Variants in XKR6 observed in about 807,000 individuals in gnomAD.
XKR6 encodes the protein XK related 6.
A neutral mutation model predicts 56.7 loss-of-function variants in XKR6; 22 were observed. That is an observed-to-expected ratio of 0.39 (90% confidence interval 0.28 to 0.55). XKR6 has a LOEUF of 0.55. Ranked by LOEUF, XKR6 falls within the 20% of genes least tolerant of loss-of-function variation. XKR6 has a pLI of 0.66. For synonymous variants in XKR6, 524 were observed against 387.8 expected, an observed-to-expected ratio of 1.35 and a Z score of -4.13; for missense variants, 852 against 889.0, an observed-to-expected ratio of 0.96 and a Z score of 0.53.
intron 2 of XKR6, among the ~76,000 whole-genome samples, chr8:10,907,943 T>A (rs1800228745): frequency 6.6e-6 from 1 of 152,192 alleles, no homozygotes; most frequent in Non-Finnish European, 1.5e-5. Flanking sequence ...TCTGCCCTCC[T>A]CCCAACACTC....
rs562886073 is a variant in XKR6, at chr8:11,106,858, A to T, written c.764+93718T>A. Reference sequence around the variant, plus strand: ...AGAGTGAGACTTCATCTCAAAAAAAAAAAAAAATAAAAAAGATACAACGTT... The same window carrying T: ...AGAGTGAGACTTCATCTCAAAAAAATAAAAAAATAAAAAAGATACAACGTT... On this transcript the variant is annotated intron_variant, in intron 1 of 2. Transcript: ENST00000416569. Among the ~76,000 whole-genome samples the T allele has an allele frequency of 8.2e-3, 1,228 of 148,880 alleles. 77 individuals carry two copies. The highest frequency in any genetic ancestry group is 0.014 in the South Asian group (65 of 4,704).
At chr8:11,177,500 C>A (rs1333953621) in intron 1 of XKR6, among the ~76,000 whole-genome samples, 1 of 152,332 alleles carries the variant, frequency 6.6e-6, no homozygotes, top group Non-Finnish European at 1.5e-5. Flanking sequence ...CCCCCTCCCC[C>A]AAAAATTCAG....
intron 1 of XKR6, among the ~76,000 whole-genome samples, chr8:11,177,869 T>A (rs1379792721): frequency 1.3e-5 from 2 of 152,196 alleles, no homozygotes; most frequent in Non-Finnish European, 2.9e-5. Flanking sequence ...GTTCCTGCGA[T>A]TAAATACTTT....
At chr8:11,100,314 C>G (rs1467954060) in intron 1 of XKR6, among the ~76,000 whole-genome samples, 1 of 152,158 alleles carries the variant, frequency 6.6e-6, no homozygotes, top group Non-Finnish European at 1.5e-5. Flanking sequence ...TTCGACCTCC[C>G]AAAGTGCTGG....
chr8:11,096,890 T>C (rs1361064015), intron 1 of XKR6, among the ~76,000 whole-genome samples: 1 of 152,180 alleles, frequency 6.6e-6, no homozygotes, highest in East Asian at 1.9e-4. Flanking sequence ...CAAATGAAAA[T>C]CTAGCTGGAA....
At chr8:11,011,380 C>T (rs1448755281) in intron 1 of XKR6, among the ~76,000 whole-genome samples, 1 of 152,174 alleles carries the variant, frequency 6.6e-6, no homozygotes, top group East Asian at 1.9e-4. Flanking sequence ...TAGGCTGTCA[C>T]CAGAAGGGTA....
At chr8:10,983,564 C>T (rs1375717480) in intron 1 of XKR6, among the ~76,000 whole-genome samples, 1 of 152,110 alleles carries the variant, frequency 6.6e-6, no homozygotes, top group Non-Finnish European at 1.5e-5. Flanking sequence ...CTAGGTTTTA[C>T]AGAAAAATTC....
intron 1 of XKR6, among the ~76,000 whole-genome samples, chr8:11,132,998 A>C (rs891853062): frequency 6.6e-6 from 1 of 152,160 alleles, no homozygotes; most frequent in Admixed American, 6.5e-5. Flanking sequence ...GAGATCAAAA[A>C]TCTTGTAAGA....
intron 1 of XKR6, among the ~76,000 whole-genome samples, chr8:11,042,786 AC>A (rs1395241471): frequency 1.4e-5 from 2 of 147,432 alleles, no homozygotes; most frequent in African/African-American, 2.7e-5. Context: ...GGGATGTGCT[AC>A]CTGGACTAAC....
rs1002838110 is a variant in XKR6, at chr8:11,201,285, T to C, written c.55A>G (p.Asn19Asp). 8.9e-6 allele frequency: 14 copies of C among 1,578,472 alleles called. No individual in the cohort carries two copies. The highest frequency in any genetic ancestry group is 3.4e-5 in the Admixed American group (2 of 58,604). ...CCGCTGCCCACCGCCTCGTCCAGGT[T>C]GTGCAGCTGAGCGAAGCCCACCCCC... ...GVGVGFAQLH[N>D]LDEAVGSGGE... is the part of the protein sequence containing the mutation. Residue 19 changes from asparagine to aspartate, a missense_variant, in exon 1 of 3, where the codon AAC becomes GAC. Around this residue, in one of 4 missense-constraint regions of XKR6, gnomAD observed 417 missense variants for 355.2 expected, o/e 1.17. Coordinates refer to ENST00000416569, the MANE Select transcript of XKR6 (RefSeq NM_173683.4).
intron 1 of XKR6, among the ~76,000 whole-genome samples, chr8:11,130,359 C>T (rs1037827796): frequency 7.2e-5 from 11 of 151,842 alleles, no homozygotes; most frequent in South Asian, 4.2e-4. Context: ...AGTGTTTTAT[C>T]GCCATATCTA....
chr8:11,054,666 C>A (rs771296181), intron 1 of XKR6, among the ~76,000 whole-genome samples: 2 of 152,208 alleles, frequency 1.3e-5, no homozygotes, highest in South Asian at 2.1e-4. Context: ...CCAATTCCTG[C>A]CCCCATTGAG....
chr8:10,922,533 G>A (rs547796097), intron 2 of XKR6, among the ~76,000 whole-genome samples: 1 of 152,360 alleles, frequency 6.6e-6, no homozygotes, highest in East Asian at 1.9e-4. Flanking sequence ...TGCTGGTCTT[G>A]CTCCAGAATC....
chr8:11,139,326 A>G (rs1373889375), intron 1 of XKR6, among the ~76,000 whole-genome samples: 1 of 152,242 alleles, frequency 6.6e-6, no homozygotes, highest in East Asian at 1.9e-4. Context: ...TCCTGTGGAC[A>G]GCAAGGCACA....
intron 1 of XKR6, among the ~76,000 whole-genome samples, chr8:11,089,461 C>T (rs933981493): frequency 1.3e-5 from 2 of 151,974 alleles, no homozygotes; most frequent in African/African-American, 2.4e-5. Flanking sequence ...CAAGACCCCA[C>T]CTCTACAAAA....
chr8:11,029,724 C>T (rs1431966531), intron 1 of XKR6, among the ~76,000 whole-genome samples: 1 of 152,074 alleles, frequency 6.6e-6, no homozygotes, highest in Admixed American at 6.6e-5. Context: ...GCCAGTCCCC[C>T]CATTTCCTCA....
chr8:10,909,981 G>A (rs957719899), intron 2 of XKR6, among the ~76,000 whole-genome samples: 1 of 151,616 alleles, frequency 6.6e-6, no homozygotes, highest in African/African-American at 2.4e-5. Flanking sequence ...CACATCTCGG[G>A]GGGCTGGGGG....
At position 11,097,664 on chromosome 8, in the gene XKR6, G is replaced by A. The variant is rs187603207; in HGVS notation, c.764+102912C>T. On this transcript the variant is annotated intron_variant, in intron 1 of 2. Transcript: ENST00000416569. ...CTCTACTAAAAATACAAAATTAGCC[G>A]GGCGTGGTGGTGCACACCTGTGGTC... Among the ~76,000 whole-genome samples, 1,016 of 151,634 alleles carry A rather than the reference G, an allele frequency of 6.7e-3. 2 individuals carry two copies. The highest frequency in any genetic ancestry group is 1.0e-2 in the Non-Finnish European group (677 of 67,904).
chr8:11,188,270 C>G (rs1461627677), intron 1 of XKR6, among the ~76,000 whole-genome samples: 1 of 152,150 alleles, frequency 6.6e-6, no homozygotes. Flanking sequence ...ACACACCAAC[C>G]CTTTCCCACA....
Sources: allele counts gnomAD v4.1 joint callset (sites outside exome capture counted in the v4.1 genomes callset), GRCh38; gene constraint gnomAD v4.1.1; regional missense constraint gnomAD v4.1.1; transcripts MANE v1.5; gene names NCBI Gene and HGNC (gene_info 2026-07-23, HGNC 2026-07-21).